Variants in RNASE11 observed in about 807,000 individuals in gnomAD.
RNASE11 encodes putative inactive ribonuclease 11.
For missense variants in RNASE11, 252 were observed against 237.8 expected (o/e 1.06, Z -0.39); for synonymous variants, 105 against 86.1 (o/e 1.22, Z -1.21).
At chr14:20,584,904 A>T in intron 1 of RNASE11, 1 of 191,592 alleles carries the variant, frequency 5.2e-6, no homozygotes, top group Non-Finnish European at 9.7e-6. Flanking sequence ...TGTATCTCCT[A>T]TAGCCTCATA....
upstream of RNASE11, among the ~76,000 whole-genome samples, chr14:20,589,519 G>C (rs192663864): frequency 0.014 from 2,148 of 151,350 alleles, 48 homozygotes; most frequent in African/African-American, 0.049. Context: ...TCCCAAAGTG[G>C]TGGGATTACA....
At chr14:20,588,234 A>T (rs1418719596), upstream of RNASE11, 1 of 152,244 alleles carries the variant, frequency 6.6e-6, no homozygotes, top group Non-Finnish European at 1.5e-5. Flanking sequence ...TTTACAGACA[A>T]GGAAACTAAT....
At chr14:20,590,024 C>T, upstream of RNASE11, 1 of 596,814 alleles carries the variant, frequency 1.7e-6, no homozygotes, top group South Asian at 2.8e-5. Flanking sequence ...TCCTGTTTCT[C>T]ATCAAAGGAC....
intron 1 of RNASE11, among the ~76,000 whole-genome samples, chr14:20,585,597 T>C (rs993080577): frequency 1.3e-5 from 2 of 152,170 alleles, no homozygotes; most frequent in Non-Finnish European, 2.9e-5. Flanking sequence ...TCTTCACTCC[T>C]CCAGTTAGTA....
upstream of RNASE11, among the ~76,000 whole-genome samples, chr14:20,589,004 C>T (rs1884498720): frequency 6.6e-6 from 1 of 152,242 alleles, no homozygotes; most frequent in Non-Finnish European, 1.5e-5. Flanking sequence ...CCAGGCTGAT[C>T]TCAAACTCCT....
At chr14:20,583,534 A>G (rs1884354496), downstream of RNASE11, 1 of 243,984 alleles carries the variant, frequency 4.1e-6, no homozygotes, top group African/African-American at 2.2e-5. Context: ...TTCATTGTCC[A>G]TATTGGCTTT....
chr14:20,586,242 C>A (rs1452147861), intron 1 of RNASE11, among the ~76,000 whole-genome samples: 1 of 152,124 alleles, frequency 6.6e-6, no homozygotes, highest in South Asian at 2.1e-4. Flanking sequence ...ATACCCTATG[C>A]CATCTCTCCC....
chr14:20,585,834 T>C (rs1014959284), intron 1 of RNASE11, among the ~76,000 whole-genome samples: 2 of 152,176 alleles, frequency 1.3e-5, no homozygotes, highest in African/African-American at 4.8e-5. Context: ...ATCCTTTACT[T>C]GAGGTCAATC....
intron 1 of RNASE11, among the ~76,000 whole-genome samples, chr14:20,586,867 T>C (rs1884445008): frequency 6.6e-6 from 1 of 152,188 alleles, no homozygotes; most frequent in East Asian, 1.9e-4. Context: ...AAAATATACC[T>C]GGCTGGGCAC....
chr14:20,589,391 C>A (rs1434676329), upstream of RNASE11, among the ~76,000 whole-genome samples: 1 of 150,896 alleles, frequency 6.6e-6, no homozygotes, highest in Non-Finnish European at 1.5e-5. Flanking sequence ...GTAGCTGGGA[C>A]TATAGGCGCC....
intron 1 of RNASE11, chr14:20,585,170 T>A: frequency 1.3e-6 from 1 of 767,778 alleles, no homozygotes; most frequent in Non-Finnish European, 1.6e-6. Context: ...GATAGGGTTG[T>A]ATGAGATTGA....
At chr14:20,589,479 T>C (rs1884515612), upstream of RNASE11, among the ~76,000 whole-genome samples, 2 of 151,140 alleles carry the variant, frequency 1.3e-5, no homozygotes, top group Non-Finnish European at 3.0e-5. Flanking sequence ...GGTCTCGATC[T>C]CCTGGCCTCG....
chr14:20,584,074 G>T, exon 2 of RNASE11: 1 of 1,614,142 alleles, frequency 6.2e-7, no homozygotes, highest in Non-Finnish European at 8.5e-7. Flanking sequence ...GCAGCTGGGG[G>T]CCCTGTGGAC....
At chr14:20,587,400 A>T (rs1185398855) in intron 1 of RNASE11, among the ~76,000 whole-genome samples, 163 bp downstream of exon 2, 1 of 152,214 alleles carries the variant, frequency 6.6e-6, no homozygotes, top group Non-Finnish European at 1.5e-5. Flanking sequence ...AGCACTGAAA[A>T]GGAAAGAAAA....
chr14:20,588,001 T>A, upstream of RNASE11: 1 of 192,166 alleles, frequency 5.2e-6, no homozygotes, highest in Non-Finnish European at 9.6e-6. Context: ...TATGAGTCTC[T>A]AGCTCTCACA....
chr14:20,587,754 C>A, upstream of RNASE11: 1 of 985,492 alleles, frequency 1.0e-6, no homozygotes, highest in Non-Finnish European at 1.2e-6. Context: ...AGGTTGCAAA[C>A]TGTCCTTCAC....
intron 1 of RNASE11, among the ~76,000 whole-genome samples, chr14:20,586,199 G>GC (rs1374653220): frequency 6.6e-6 from 1 of 151,916 alleles, no homozygotes; most frequent in Non-Finnish European, 1.5e-5. Context: ...ACACAAACCT[G>GC]CCCTAGTCAA....
intron 1 of RNASE11, among the ~76,000 whole-genome samples, chr14:20,586,931 C>G (rs1318052271): frequency 6.6e-6 from 1 of 152,178 alleles, no homozygotes; most frequent in Non-Finnish European, 1.5e-5. Flanking sequence ...GGGAGGATCA[C>G]TTGAGGCCAG....
chr14:20,590,139 C>T (rs1263016032), upstream of RNASE11: 27 of 1,428,546 alleles, frequency 1.9e-5, no homozygotes, highest in Non-Finnish European at 2.2e-5. Flanking sequence ...CCCAGCAATA[C>T]AGGAAGGATA....
Sources: allele counts gnomAD v4.1 joint callset (sites outside exome capture counted in the v4.1 genomes callset), GRCh38; gene constraint gnomAD v4.1.1; transcripts MANE v1.5; gene names NCBI Gene and HGNC (gene_info 2026-07-23, HGNC 2026-07-21).